CREM: variants seen among roughly 807,000 people sequenced by gnomAD.
CREM encodes cAMP-responsive element modulator.
In CREM, 13 loss-of-function variants were observed where a neutral mutation model predicts 37.3. The ratio of observed to expected loss-of-function variants is 0.35; its 90% CI spans 0.23 to 0.55. CREM has a LOEUF of 0.55. CREM is among the 20% of genes least tolerant of loss of function. The pLI, the probability that CREM is intolerant of heterozygous loss-of-function variation, is 0.88. For missense variants in CREM, 296 were observed against 362.3 expected (o/e 0.82, Z 1.49); for synonymous variants, 124 against 120.2 (o/e 1.03, Z -0.21).
At position 35,143,189 on chromosome 10, in the gene CREM, T is replaced by TTTA. The variant is rs200614825; in HGVS notation, c.45-5178_45-5176dup. On this transcript the variant is annotated intron_variant, in intron 2 of 7. Transcript: ENST00000685392. ...TTTCACCATGTTGGCCAGGCTGGTC[T>TTTA]TTAACTCTTGACCTCGTGATCTGCC... Among the ~76,000 whole-genome samples, 299 of 151,962 alleles carry TTTA rather than the reference T, an allele frequency of 2.0e-3. 5 individuals carry two copies. The East Asian group carries it at 0.026, about 13-fold the overall frequency.
At chr10:35,187,092 A>ATAATT (rs1554927788) in intron 5 of CREM, among the ~76,000 whole-genome samples, 13,041 of 64,588 alleles carry the variant, frequency 0.2, 1,218 homozygotes, top group East Asian at 0.26. Context: ...ATAATATATA[A>ATAATT]TATATATGAT....
At chr10:35,138,453 T>C (rs1368610338) in intron 2 of CREM, among the ~76,000 whole-genome samples, 1 of 152,078 alleles carries the variant, frequency 6.6e-6, no homozygotes, top group African/African-American at 2.4e-5. Context: ...AGATGAAAAA[T>C]TTTTTCAAGG....
At chr10:35,204,047 C>A (rs991088958) in intron 6 of CREM, among the ~76,000 whole-genome samples, 1 of 152,214 alleles carries the variant, frequency 6.6e-6, no homozygotes, top group Admixed American at 6.5e-5. Flanking sequence ...CCATAACCTT[C>A]TTCCCTGGAT....
At chr10:35,187,061 ATAAT>A (rs1450010060) in intron 5 of CREM, among the ~76,000 whole-genome samples, 1 of 58,986 alleles carries the variant, frequency 1.7e-5, no homozygotes, top group African/African-American at 5.8e-5. Context: ...ATTAATATAT[ATAAT>A]TAATATAATA....
At chr10:35,198,383 C>CGTG (rs774964952) in intron 6 of CREM, among the ~76,000 whole-genome samples, 2 of 151,876 alleles carry the variant, frequency 1.3e-5, no homozygotes, top group Non-Finnish European at 2.9e-5. Context: ...ATTAGCCAGG[C>CGTG]GTGGTGGCAC....
At chr10:35,192,096 C>T (rs1381409882) in intron 6 of CREM, among the ~76,000 whole-genome samples, 3 of 152,206 alleles carry the variant, frequency 2.0e-5, no homozygotes, top group African/African-American at 4.8e-5. Context: ...TCCCTCTGAC[C>T]CAGGCTACCC....
chr10:35,135,327 G>T (rs2135519414), intron 1 of CREM: 1 of 152,306 alleles, frequency 6.6e-6, no homozygotes, highest in East Asian at 1.9e-4. Context: ...TCCCTTGGCA[G>T]ATGGGACTTT....
At position 35,181,124 on chromosome 10, in the gene CREM, T is replaced by G. The variant is rs542491462; in HGVS notation, c.409+1848T>G. Among the ~76,000 whole-genome samples, 6 of 152,308 alleles carry G rather than the reference T, an allele frequency of 3.9e-5. No homozygotes were observed. In the South Asian group the frequency reaches 1.0e-3, roughly 26 times the overall value. ...ATGCTGTAGGGTTAACTTGTCTAGA[T>G]TATTAGCTGAAAATTTGAAATTGTG... On this transcript the variant is annotated intron_variant, in intron 5 of 7. Transcript: ENST00000685392.
At chr10:35,192,357 G>T (rs1351901606) in intron 6 of CREM, among the ~76,000 whole-genome samples, 1 of 152,018 alleles carries the variant, frequency 6.6e-6, no homozygotes, top group East Asian at 1.9e-4. Flanking sequence ...GTTTCGTTTT[G>T]TTTTGTTTTG....
intron 3 of CREM, among the ~76,000 whole-genome samples, chr10:35,170,531 G>A (rs372078977): frequency 1.9e-4 from 29 of 152,204 alleles, no homozygotes; most frequent in African/African-American, 6.5e-4. Flanking sequence ...ATCTGGTCCT[G>A]GACTTTTTTT....
chr10:35,156,164 C>T (rs1236810535), intron 3 of CREM, among the ~76,000 whole-genome samples: 1 of 151,904 alleles, frequency 6.6e-6, no homozygotes. Context: ...TGGTCTCAAT[C>T]TCCTGACCTC....
intron 1 of CREM, among the ~76,000 whole-genome samples, chr10:35,136,895 A>AT (rs2090621832): frequency 6.8e-6 from 1 of 147,460 alleles, no homozygotes; most frequent in Non-Finnish European, 1.5e-5. Flanking sequence ...AACATGGCCC[A>AT]TTGCAGCCTC....
intron 1 of CREM, among the ~76,000 whole-genome samples, chr10:35,132,087 G>T (rs2089503402): frequency 6.6e-6 from 1 of 151,714 alleles, no homozygotes; most frequent in South Asian, 2.1e-4. Context: ...TGTAATCCCA[G>T]CTACTCAGGA....
At chr10:35,187,324 A>G (rs769357249) in intron 5 of CREM, among the ~76,000 whole-genome samples, 2 of 141,216 alleles carry the variant, frequency 1.4e-5, no homozygotes, top group Non-Finnish European at 3.0e-5. Flanking sequence ...CAGTGCCGCA[A>G]TCTCAGCTCA....
chr10:35,152,238 G>T (rs948713835), intron 3 of CREM: 2 of 152,232 alleles, frequency 1.3e-5, no homozygotes, highest in African/African-American at 4.8e-5. Context: ...TGCATCTAAG[G>T]TCATTTGATA....
intron 3 of CREM, among the ~76,000 whole-genome samples, chr10:35,168,971 A>C (rs544879166): frequency 2.6e-5 from 4 of 152,224 alleles, no homozygotes; most frequent in African/African-American, 9.6e-5. Context: ...TTGTTTTGGT[A>C]CCAGTACCAT....
intron 6 of CREM, among the ~76,000 whole-genome samples, chr10:35,203,861 A>G (rs1468281792): frequency 1.3e-5 from 2 of 152,006 alleles, no homozygotes; most frequent in Admixed American, 1.3e-4. Flanking sequence ...TAATTTTACT[A>G]CACGTCTGTG....
rs1024639358 is a variant in CREM, at chr10:35,212,058, C to T, written c.*660C>T. On this transcript the variant is annotated 3_prime_UTR_variant, in exon 8 of 8. Transcript: ENST00000685392. ...GTAAGGCTTGTTCCAATGCCACATA[C>T]TTGCAGCTCCCATTCTATGTGTCAT... The T allele has an allele frequency of 3.0e-5, 10 of 331,960 alleles. No homozygotes were observed. The Admixed American group carries it at 3.2e-4, about 11-fold the overall frequency. 20.6% of individuals were successfully genotyped at this position (331,960 alleles called of 1,614,324 possible). A position where few individuals can be genotyped will look rare whatever the true frequency, so the allele number is the denominator to read the frequency against.
chr10:35,187,132 A>C lies in CREM; in HGVS notation c.410-1068A>C, dbSNP rs1231295560. Among the ~76,000 whole-genome samples the C allele has an allele frequency of 8.8e-5, 7 of 79,944 alleles. No homozygotes were observed. In the South Asian group the frequency reaches 1.2e-3, roughly 13 times the overall value. The allele number at this position is 79,944 out of a possible 152,430, so 52.4% of individuals were successfully genotyped here. On this transcript the variant is annotated intron_variant, in intron 5 of 7. Coordinates refer to ENST00000685392, the MANE Select transcript of CREM (RefSeq NM_183011.2). ...ATTATATAAATATATAAATATATTA[A>C]TATATTAATATATAATATATATAAT...
Sources: gnomAD v4.1 joint callset for allele counts (sites outside exome capture counted in the v4.1 genomes callset) on GRCh38, gnomAD v4.1.1 for gene constraint, MANE v1.5 for transcripts, NCBI Gene and HGNC (gene_info 2026-07-23, HGNC 2026-07-21) for gene names.